LRRC3B: variants seen among roughly 807,000 people sequenced by gnomAD.
The protein encoded by LRRC3B is leucine rich repeat containing 3B.
In LRRC3B, 2 loss-of-function variants were observed where a neutral mutation model predicts 12.8. The observed-to-expected ratio is 0.16, with a 90% CI of 0.06 to 0.49. LRRC3B has a LOEUF of 0.49. Among genes scored for constraint, LRRC3B ranks in the 20% least tolerant of loss-of-function variants. The pLI, the probability that LRRC3B is intolerant of heterozygous loss-of-function variation, is 0.96. For missense variants in LRRC3B, 189 were observed against 319.4 expected, an observed-to-expected ratio of 0.59 and a Z score of 3.11; for synonymous variants, 132 against 122.0, an observed-to-expected ratio of 1.08 and a Z score of -0.54.
At chr3:26,656,848 T>G (rs1699382468) in intron 1 of LRRC3B, among the ~76,000 whole-genome samples, 1 of 152,150 alleles carries the variant, frequency 6.6e-6, no homozygotes, top group Admixed American at 6.5e-5. Context: ...AAATAAGATG[T>G]GTGGGTATGC....
intron 1 of LRRC3B, among the ~76,000 whole-genome samples, chr3:26,692,466 G>A (rs1027363502): frequency 6.6e-6 from 1 of 152,188 alleles, no homozygotes; most frequent in African/African-American, 2.4e-5. Flanking sequence ...TTTCTCAGCT[G>A]CTTGAAAGTT....
chr3:26,676,011 A>T (rs1699851861), intron 1 of LRRC3B, among the ~76,000 whole-genome samples: 1 of 149,622 alleles, frequency 6.7e-6, no homozygotes, highest in South Asian at 2.1e-4. Flanking sequence ...TTTTCATGAC[A>T]TTAACGTTTT....
At chr3:26,696,416 T>C (rs1039074679) in intron 1 of LRRC3B, among the ~76,000 whole-genome samples, 5 of 152,244 alleles carry the variant, frequency 3.3e-5, no homozygotes, top group African/African-American at 1.2e-4. Context: ...AGGAAGACTA[T>C]GATCTGTGCA....
chr3:26,636,916 C>CTCTTTCTCTCTT (rs1698900107), intron 1 of LRRC3B, among the ~76,000 whole-genome samples: 8 of 71,106 alleles, frequency 1.1e-4, no homozygotes, highest in African/African-American at 1.4e-4. Flanking sequence ...CTCTCTTTCT[C>CTCTTTCTCTCTT]TCTTTCTTTC....
At chr3:26,670,479 C>T (rs374385981) in intron 1 of LRRC3B, among the ~76,000 whole-genome samples, 1 of 152,140 alleles carries the variant, frequency 6.6e-6, no homozygotes, top group South Asian at 2.1e-4. Context: ...ATTATTTCTT[C>T]TTTCTGAGCA....
intron 1 of LRRC3B, among the ~76,000 whole-genome samples, chr3:26,651,800 C>T (rs997629248): frequency 1.2e-4 from 18 of 152,186 alleles, no homozygotes; most frequent in Admixed American, 1.3e-4. Flanking sequence ...ACTTTCCTAC[C>T]TGTCAGTTCA....
intron 1 of LRRC3B, among the ~76,000 whole-genome samples, chr3:26,665,317 A>T (rs1260702219): frequency 1.3e-5 from 2 of 152,004 alleles, no homozygotes; most frequent in South Asian, 4.1e-4. Context: ...ATCAAACTTC[A>T]CTTTGCTTGA....
intron 1 of LRRC3B, among the ~76,000 whole-genome samples, chr3:26,676,962 A>G (rs1699872749): frequency 6.6e-6 from 1 of 151,774 alleles, no homozygotes; most frequent in African/African-American, 2.4e-5. Flanking sequence ...TGGAGGTGTT[A>G]GTACTTCCAA....
In LRRC3B at chr3:26,628,422, GGA is replaced by G. The variant is rs1491099734; in HGVS notation, c.-161+5186_-161+5187del. Reference sequence around the variant, plus strand: ...GTAGAAAGAGTTTGAAGAAGATACTGGAAAAAAAAAAAAAAAAGCTCAGAGTA... The same window carrying G: ...GTAGAAAGAGTTTGAAGAAGATACTGAAAAAAAAAAAAAAAGCTCAGAGTA... On this transcript the variant is annotated intron_variant, in intron 1 of 1. Coordinates refer to ENST00000396641, the Ensembl canonical transcript of LRRC3B. Among the ~76,000 whole-genome samples the G allele has an allele frequency of 3.1e-3, 142 of 45,128 alleles. 1 individual carries two copies. The highest frequency in any genetic ancestry group is 0.018 in the African/African-American group (133 of 7,398). 29.6% of individuals were successfully genotyped at this position (45,128 alleles called of 152,430 possible).
At chr3:26,638,669 G>C (rs1262506659) in intron 1 of LRRC3B, among the ~76,000 whole-genome samples, 1 of 152,192 alleles carries the variant, frequency 6.6e-6, no homozygotes, top group Non-Finnish European at 1.5e-5. Context: ...GTTTGCAATT[G>C]ACTTCATAAT....
At chr3:26,672,856 T>A (rs1192056371) in intron 1 of LRRC3B, among the ~76,000 whole-genome samples, 1 of 152,232 alleles carries the variant, frequency 6.6e-6, no homozygotes, top group African/African-American at 2.4e-5. Context: ...TACGCTTTGT[T>A]TAAGAGCCAC....
rs1194503183 is a variant in LRRC3B at position 26,692,525 on chromosome 3, T to G, written c.-160-16988T>G. Among the ~76,000 whole-genome samples, 4 of 152,214 alleles carry G rather than the reference T, an allele frequency of 2.6e-5. No homozygotes were observed. The East Asian group carries it at 5.8e-4, about 22-fold the overall frequency. ...TGACTGTCATGGTCAGCAAATAGAA[T>G]TAAATAATTTGGTATCTAATGACAA... On this transcript the variant is annotated intron_variant, in intron 1 of 1. Transcript: ENST00000396641.
intron 1 of LRRC3B, among the ~76,000 whole-genome samples, chr3:26,695,687 T>C (rs1700298697): frequency 6.6e-6 from 1 of 152,186 alleles, no homozygotes. Context: ...TTAGGAAACA[T>C]AGTGGACCAT....
At chr3:26,629,803 A>G (rs544854183) in intron 1 of LRRC3B, among the ~76,000 whole-genome samples, 4 of 152,270 alleles carry the variant, frequency 2.6e-5, no homozygotes, top group Admixed American at 2.6e-4. Context: ...CCCAAAGGGA[A>G]GATGTACTGT....
At chr3:26,697,209 A>T (rs1700338700) in intron 1 of LRRC3B, among the ~76,000 whole-genome samples, 1 of 152,126 alleles carries the variant, frequency 6.6e-6, no homozygotes, top group Non-Finnish European at 1.5e-5. Context: ...ATAGTTCTGG[A>T]GGTAGAGTCT....
intron 1 of LRRC3B, among the ~76,000 whole-genome samples, chr3:26,697,296 C>G (rs999556875): frequency 6.6e-6 from 1 of 152,106 alleles, no homozygotes; most frequent in Non-Finnish European, 1.5e-5. Context: ...AAGGACAATC[C>G]ATTGCTTGCA....
At chr3:26,646,656 C>T (rs1699157257) in intron 1 of LRRC3B, among the ~76,000 whole-genome samples, 1 of 136,934 alleles carries the variant, frequency 7.3e-6, no homozygotes, top group African/African-American at 2.7e-5. Context: ...ACATGCAGGC[C>T]AAAAATATGC....
intron 1 of LRRC3B, among the ~76,000 whole-genome samples, chr3:26,674,181 C>A (rs1263043718): frequency 6.6e-6 from 1 of 152,172 alleles, no homozygotes; most frequent in East Asian, 1.9e-4. Context: ...TGACTTTCAT[C>A]ACCTCCAAAA....
At chr3:26,683,341 T>TAGC (rs1700008998) in intron 1 of LRRC3B, among the ~76,000 whole-genome samples, 1 of 152,218 alleles carries the variant, frequency 6.6e-6, no homozygotes, top group Non-Finnish European at 1.5e-5. Context: ...GGGTAAATTG[T>TAGC]AGCAGCAGCT....
Sources: gnomAD v4.1 joint callset for allele counts (sites outside exome capture counted in the v4.1 genomes callset) on GRCh38, gnomAD v4.1.1 for gene constraint, MANE v1.5 for transcripts, NCBI Gene and HGNC (gene_info 2026-07-23, HGNC 2026-07-21) for gene names.